ANKRD33B: variants seen among roughly 807,000 people sequenced by gnomAD.
ANKRD33B encodes ankyrin repeat domain 33B.
A neutral mutation model predicts 21.5 loss-of-function variants in ANKRD33B; 6 were observed. The observed-to-expected ratio is 0.28, with a 90% confidence interval of 0.15 to 0.55. The LOEUF is 0.55. ANKRD33B is among the 20% of genes least tolerant of loss of function. ANKRD33B has a pLI of 0.94. For synonymous variants in ANKRD33B, 347 were observed against 342.4 expected, an observed-to-expected ratio of 1.01 and a Z score of -0.15; for missense variants, 698 against 747.2, an observed-to-expected ratio of 0.93 and a Z score of 0.77.
At chr5:10,571,199 T>G (rs1159782678) in intron 1 of ANKRD33B, among the ~76,000 whole-genome samples, 1 of 151,918 alleles carries the variant, frequency 6.6e-6, no homozygotes, top group Non-Finnish European at 1.5e-5. Context: ...AAAATCTTAT[T>G]TGTTTATTTA....
intron 1 of ANKRD33B, among the ~76,000 whole-genome samples, chr5:10,577,577 A>G (rs1019566211): frequency 6.6e-6 from 1 of 152,066 alleles, no homozygotes; most frequent in African/African-American, 2.4e-5. Context: ...TCCCTTTAAC[A>G]TGTCAAGGCA....
Position 10,590,601 on chromosome 5 carries a change from CGCGCGCGTGTGT to C in ANKRD33B, c.366+25770_366+25781del, listed in dbSNP as rs1293408479. ...AAATATTTTGAGATGCGCGCGCGCG[CGCGCGCGTGTGT>C]GTGTGTGTGTGTGTTTTCAGCCAGT... On this transcript the variant is annotated intron_variant, in intron 1 of 3. Coordinates refer to ENST00000296657, the MANE Select transcript of ANKRD33B (RefSeq NM_001164440.2). Among the ~76,000 whole-genome samples the C allele has an allele frequency of 5.4e-3, 815 of 150,876 alleles. 7 individuals are homozygous for C. The highest frequency in any genetic ancestry group is 0.019 in the African/African-American group (771 of 41,004).
chr5:10,609,369 A>G (rs934275082), intron 1 of ANKRD33B, among the ~76,000 whole-genome samples: 4 of 151,500 alleles, frequency 2.6e-5, no homozygotes, highest in African/African-American at 4.9e-5. Flanking sequence ...CCTCGGTAAC[A>G]TGGCAAAACA....
At chr5:10,571,233 G>T (rs1268520616) in intron 1 of ANKRD33B, among the ~76,000 whole-genome samples, 2 of 152,036 alleles carry the variant, frequency 1.3e-5, no homozygotes, top group South Asian at 2.1e-4. Flanking sequence ...GATGGATCTC[G>T]CTCTGTTGCC....
At chr5:10,626,154 C>G (rs1020314215) in intron 2 of ANKRD33B, among the ~76,000 whole-genome samples, 2 of 152,252 alleles carry the variant, frequency 1.3e-5, no homozygotes, top group African/African-American at 4.8e-5. Flanking sequence ...TCCTTCCACC[C>G]TGGTCCCCTG....
intron 1 of ANKRD33B, among the ~76,000 whole-genome samples, chr5:10,597,192 T>C (rs1338710394): frequency 1.3e-5 from 2 of 152,180 alleles, no homozygotes; most frequent in Non-Finnish European, 2.9e-5. Context: ...CACATAGCAA[T>C]ATTATCCTTA....
chr5:10,613,633 G>T (rs1035837072), intron 1 of ANKRD33B, among the ~76,000 whole-genome samples: 4 of 152,078 alleles, frequency 2.6e-5, no homozygotes, highest in Non-Finnish European at 5.9e-5. Flanking sequence ...ATATGGGGTG[G>T]CTCACGCCTG....
intron 1 of ANKRD33B, among the ~76,000 whole-genome samples, chr5:10,595,805 C>T (rs1735804811): frequency 6.6e-6 from 1 of 152,174 alleles, no homozygotes; most frequent in Admixed American, 6.5e-5. Flanking sequence ...TAGTGGCCAC[C>T]ATCTGGATGA....
chr5:10,642,453 G>A (rs1047278718), intron 3 of ANKRD33B, among the ~76,000 whole-genome samples: 1 of 152,158 alleles, frequency 6.6e-6, no homozygotes, highest in African/African-American at 2.4e-5. Flanking sequence ...CCTATACGAG[G>A]TACAGAGCAG....
chr5:10,573,467 CAAA>C (rs10706973), intron 1 of ANKRD33B, among the ~76,000 whole-genome samples: 6 of 100,750 alleles, frequency 6.0e-5, no homozygotes, highest in Non-Finnish European at 1.0e-4. Context: ...GACTCCGTCT[CAAA>C]AAAAAAAAAA....
At position 10,655,420 on chromosome 5, in the gene ANKRD33B, C is replaced by G. The variant is rs1347673533; in HGVS notation, c.*5307C>G. 1 of 152,360 alleles carries G rather than the reference C, an allele frequency of 6.6e-6. No individual in the cohort carries two copies. Among genetic ancestry groups the G allele is most frequent in the East Asian group, 1.9e-4 (1 of 5,328 alleles). 9.4% of individuals were successfully genotyped at this position (152,360 alleles called of 1,614,324 possible). A position where few individuals can be genotyped will look rare whatever the true frequency, so the allele number is the denominator to read the frequency against. ...CCCTGGTAGCCCGCCTCCAAGAGCA[C>G]TACACTCCCCCCAGCCCCACCGGCC... On this transcript the variant is annotated 3_prime_UTR_variant, in exon 4 of 4. Coordinates refer to ENST00000296657, the MANE Select transcript of ANKRD33B (RefSeq NM_001164440.2).
chr5:10,649,411 C>A lies in ANKRD33B; in HGVS notation c.783C>A (p.Pro261=), dbSNP rs775220816. 6.5e-7 allele frequency: 1 copy of A among 1,535,420 alleles called. No homozygotes were observed. Among genetic ancestry groups the A allele is most frequent in the Non-Finnish European group, 8.7e-7 (1 of 1,146,568 alleles). The part of the protein sequence containing the change: ...CPEQFWEKYR[P]ELPPPPEAAR... Reference sequence around the variant, plus strand: ...AGCAGTTCTGGGAGAAGTACCGGCCCGAGCTGCCGCCGCCCCCTGAAGCGG... The same window carrying A: ...AGCAGTTCTGGGAGAAGTACCGGCCAGAGCTGCCGCCGCCCCCTGAAGCGG... Residue 261 remains proline (P), a synonymous_variant, in exon 4 of 4, where the codon CCC becomes CCA. Transcript: ENST00000296657.
intron 1 of ANKRD33B, among the ~76,000 whole-genome samples, chr5:10,569,931 C>T (rs1735141062): frequency 6.6e-6 from 1 of 152,144 alleles, no homozygotes; most frequent in South Asian, 2.1e-4. Context: ...GTCTAGAGTG[C>T]AGTGGTGTGA....
chr5:10,571,952 A>T (rs554435884), intron 1 of ANKRD33B, among the ~76,000 whole-genome samples: 151 of 150,082 alleles, frequency 1.0e-3, no homozygotes, highest in African/African-American at 3.6e-3. Context: ...GCAGTGGCGC[A>T]ATCTCGGCTC....
At chr5:10,593,494 C>T (rs1735742070) in intron 1 of ANKRD33B, among the ~76,000 whole-genome samples, 1 of 152,092 alleles carries the variant, frequency 6.6e-6, no homozygotes, top group Non-Finnish European at 1.5e-5. Context: ...CTTTTTAGTG[C>T]CTTAACTTGC....
intron 1 of ANKRD33B, among the ~76,000 whole-genome samples, chr5:10,587,267 AT>A (rs60647223): frequency 0.1 from 15,713 of 151,950 alleles, 1,276 homozygotes; most frequent in African/African-American, 0.22. Flanking sequence ...TGCCTGGCTA[AT>A]TTTTGTATTT....
intron 2 of ANKRD33B, among the ~76,000 whole-genome samples, chr5:10,624,429 CT>C (rs1006262189): frequency 7.9e-5 from 12 of 151,814 alleles, no homozygotes; most frequent in East Asian, 3.9e-4. Flanking sequence ...CGGGCCTGGC[CT>C]TTTTTTTCTT....
intron 2 of ANKRD33B, among the ~76,000 whole-genome samples, chr5:10,635,077 T>A (rs1303964798): frequency 4.0e-5 from 6 of 151,882 alleles, no homozygotes; most frequent in African/African-American, 1.5e-4. Flanking sequence ...GGACTCAACA[T>A]AATACGCAGA....
chr5:10,630,165 G>C (rs1736672383), intron 2 of ANKRD33B, among the ~76,000 whole-genome samples: 1 of 152,174 alleles, frequency 6.6e-6, no homozygotes, highest in Non-Finnish European at 1.5e-5. Context: ...CCATGCTCTG[G>C]GATGTTTTTA....
Sources: allele counts gnomAD v4.1 joint callset (sites outside exome capture counted in the v4.1 genomes callset), GRCh38; gene constraint gnomAD v4.1.1; transcripts MANE v1.5; gene names NCBI Gene and HGNC (gene_info 2026-07-23, HGNC 2026-07-21).